XYLT1: variants seen among roughly 807,000 people sequenced by gnomAD.
XYLT1 encodes the protein beta-D-xylosyltransferase 1.
A neutral mutation model predicts 91.3 loss-of-function variants in XYLT1; 36 were observed. The observed-to-expected ratio is 0.39, with a 90% confidence interval of 0.30 to 0.52. XYLT1 has a LOEUF of 0.52. Ranked by LOEUF, XYLT1 falls within the 20% of genes least tolerant of loss-of-function variation. The pLI is 0.68. For missense variants in XYLT1, 1,242 were observed against 1,284.5 expected (o/e 0.97, Z 0.51); for synonymous variants, 588 against 532.0 (o/e 1.11, Z -1.45).
chr16:17,214,254 C>T (rs1302766719), intron 3 of XYLT1, among the ~76,000 whole-genome samples: 3 of 152,178 alleles, frequency 2.0e-5, no homozygotes, highest in African/African-American at 4.8e-5. Context: ...AAAGAAGTTT[C>T]GTTTTGAAAT....
intron 5 of XYLT1, among the ~76,000 whole-genome samples, chr16:17,179,876 C>G (rs1441475646): frequency 1.3e-5 from 2 of 152,210 alleles, no homozygotes; most frequent in African/African-American, 4.8e-5. Flanking sequence ...TTTTCAAAGA[C>G]TCGCCTGCAT....
chr16:17,344,502 A>AG (rs1219393915), intron 2 of XYLT1, among the ~76,000 whole-genome samples: 1 of 151,214 alleles, frequency 6.6e-6, no homozygotes, highest in African/African-American at 2.4e-5. Flanking sequence ...CAAAAAAAAA[A>AG]AAAAAAGAAT....
At chr16:17,116,567 C>G (rs969463635) in intron 11 of XYLT1, among the ~76,000 whole-genome samples, 1 of 152,194 alleles carries the variant, frequency 6.6e-6, no homozygotes, top group Non-Finnish European at 1.5e-5. Context: ...AATTGTTTCT[C>G]CTTTCCAGTG....
chr16:17,421,200 C>G (rs772860106), intron 1 of XYLT1, among the ~76,000 whole-genome samples: 2 of 152,190 alleles, frequency 1.3e-5, no homozygotes, highest in Admixed American at 6.5e-5. Flanking sequence ...TGTGCTTTGT[C>G]TGTCATTATT....
chr16:17,458,143 C>T (rs1315528733), intron 1 of XYLT1, among the ~76,000 whole-genome samples: 2 of 152,112 alleles, frequency 1.3e-5, no homozygotes, highest in Non-Finnish European at 2.9e-5. Flanking sequence ...TCCTTGGGCT[C>T]CCGGCTTTTA....
chr16:17,258,306 A>C (rs572372808), intron 3 of XYLT1, among the ~76,000 whole-genome samples: 10 of 151,686 alleles, frequency 6.6e-5, no homozygotes, highest in Non-Finnish European at 1.3e-4. Context: ...GAAAGGAGAG[A>C]GAAAGAAAAT....
intron 2 of XYLT1, among the ~76,000 whole-genome samples, chr16:17,341,316 C>A (rs2035060772): frequency 6.6e-6 from 1 of 152,156 alleles, no homozygotes; most frequent in Non-Finnish European, 1.5e-5. Context: ...TGAACAGCTA[C>A]TACATCCCAG....
intron 2 of XYLT1, among the ~76,000 whole-genome samples, chr16:17,279,683 A>T (rs572852886): frequency 6.6e-6 from 1 of 152,322 alleles, no homozygotes; most frequent in Admixed American, 6.5e-5. Flanking sequence ...ATCTGGCTTC[A>T]TCCATCTCTG....
intron 2 of XYLT1, among the ~76,000 whole-genome samples, chr16:17,337,472 A>G (rs1172818164): frequency 3.4e-4 from 51 of 152,194 alleles, no homozygotes; most frequent in Admixed American, 3.1e-3. Context: ...GGCGTGAGCC[A>G]CCATGCCCGG....
chr16:17,382,902 A>G (rs2035699673), intron 1 of XYLT1, among the ~76,000 whole-genome samples: 1 of 151,866 alleles, frequency 6.6e-6, no homozygotes, highest in Non-Finnish European at 1.5e-5. Flanking sequence ...GAAATGAAGC[A>G]ACATACTCAA....
At chr16:17,127,196 C>T (rs931222844) in intron 10 of XYLT1, among the ~76,000 whole-genome samples, 1 of 152,208 alleles carries the variant, frequency 6.6e-6, no homozygotes, top group Non-Finnish European at 1.5e-5. Context: ...AGTGATTGAT[C>T]TGGTACTTCC....
chr16:17,315,379 T>A (rs1417045294), intron 2 of XYLT1, among the ~76,000 whole-genome samples: 2 of 152,232 alleles, frequency 1.3e-5, no homozygotes, highest in Non-Finnish European at 2.9e-5. Context: ...ATCCTTTGCA[T>A]CTCAGCTGAA....
At position 17,350,133 on chromosome 16, in the gene XYLT1, C is replaced by T. The variant is rs541650131; in HGVS notation, c.402+7879G>A. 3.2e-4 allele frequency among the ~76,000 whole-genome samples: 48 copies of T among 152,286 alleles called. 2 individuals carry two copies. The South Asian group carries it at 8.7e-3, about 28-fold the overall frequency. ...TCGTGATCCGCCTGCCTCGGCCTCCCAAAGTGGTGGGATTACAGGCGTGAG... is the reference window on the plus strand; with the variant it reads ...TCGTGATCCGCCTGCCTCGGCCTCCTAAAGTGGTGGGATTACAGGCGTGAG... On this transcript the variant is annotated intron_variant, in intron 2 of 11. Coordinates refer to ENST00000261381, the MANE Select transcript of XYLT1 (RefSeq NM_022166.4).
At chr16:17,174,448 T>C (rs2031894800) in intron 5 of XYLT1, among the ~76,000 whole-genome samples, 1 of 152,274 alleles carries the variant, frequency 6.6e-6, no homozygotes, top group South Asian at 2.1e-4. Context: ...TAGAAAGAGA[T>C]GAAGTACTGA....
In XYLT1 at chr16:17,244,455, G is replaced by A. The variant is rs141800819; in HGVS notation, c.913+14533C>T. Among the ~76,000 whole-genome samples the A allele has an allele frequency of 1.6e-3, 248 of 152,340 alleles. 1 individual carries two copies. Among genetic ancestry groups the A allele is most frequent in the African/African-American group, 5.4e-3 (226 of 41,592 alleles). The stretch of plus-strand genomic sequence containing the variant: ...ATGTTTTAGAGGCTGTCAAGGTCCT[G>A]TTGGTGACCAATACAGGATATACTG... On this transcript the variant is annotated intron_variant, in intron 3 of 11. Coordinates refer to ENST00000261381, the MANE Select transcript of XYLT1 (RefSeq NM_022166.4).
chr16:17,355,818 T>A (rs1209285137), intron 2 of XYLT1, among the ~76,000 whole-genome samples: 1 of 152,136 alleles, frequency 6.6e-6, no homozygotes, highest in Admixed American at 6.5e-5. Flanking sequence ...CATGTGATTC[T>A]CCTGCCTCAG....
intron 2 of XYLT1, among the ~76,000 whole-genome samples, chr16:17,281,030 C>T (rs1028382197): frequency 5.3e-5 from 8 of 152,126 alleles, no homozygotes; most frequent in African/African-American, 1.4e-4. Flanking sequence ...CTGGGAATCA[C>T]GATTTCTAAA....
At chr16:17,198,084 C>T in intron 5 of XYLT1, 128 bp downstream of exon 5, 2 of 938,256 alleles carry the variant, frequency 2.1e-6, no homozygotes, top group South Asian at 1.6e-5. Flanking sequence ...CAGGTCCAAT[C>T]AGAATCCTAT....
At chr16:17,172,856 T>C (rs112792985) in intron 5 of XYLT1, among the ~76,000 whole-genome samples, 8 of 152,188 alleles carry the variant, frequency 5.3e-5, no homozygotes, top group African/African-American at 7.2e-5. Context: ...GCCCATTTCA[T>C]TGAGGACATT....
Sources: gnomAD v4.1 joint callset for allele counts (sites outside exome capture counted in the v4.1 genomes callset) on GRCh38, gnomAD v4.1.1 for gene constraint, MANE v1.5 for transcripts, NCBI Gene and HGNC (gene_info 2026-07-23, HGNC 2026-07-21) for gene names.